The following OXCT1 variants were observed in gnomAD, a reference collection of about 807,000 sequenced individuals.
The protein encoded by OXCT1 is 3-oxoacid CoA-transferase 1.
Under a neutral mutation model 69.6 loss-of-function variants are expected in OXCT1, and 27 were observed. The observed-to-expected ratio is 0.39, with a 90% CI of 0.29 to 0.54. The LOEUF (loss-of-function observed/expected upper bound fraction) is 0.54. Among genes scored for constraint, OXCT1 ranks in the 20% least tolerant of loss-of-function variants. The pLI, the probability that OXCT1 is intolerant of heterozygous loss-of-function variation, is 0.72. For missense variants in OXCT1, 437 were observed against 650.2 expected, an observed-to-expected ratio of 0.67 and a Z score of 3.57; for synonymous variants, 202 against 217.8, an observed-to-expected ratio of 0.93 and a Z score of 0.64.
intron 5 of OXCT1, among the ~76,000 whole-genome samples, chr5:41,845,351 A>T (rs1160473511): frequency 6.6e-6 from 1 of 152,160 alleles, no homozygotes; most frequent in African/African-American, 2.4e-5. Context: ...GGCCAGTGAT[A>T]ATTAATTCTC....
chr5:41,834,695 T>C (rs1311434687), intron 7 of OXCT1, among the ~76,000 whole-genome samples: 1 of 152,082 alleles, frequency 6.6e-6, no homozygotes, highest in Admixed American at 6.6e-5. Flanking sequence ...TTATTAGAGC[T>C]AAAGAGAGAC....
At chr5:41,807,027 C>G (rs1746713502) in intron 8 of OXCT1, among the ~76,000 whole-genome samples, 1 of 152,044 alleles carries the variant, frequency 6.6e-6, no homozygotes, top group Non-Finnish European at 1.5e-5. Context: ...TTATTCTTAT[C>G]TCCCCTCTAA....
chr5:41,834,289 C>A (rs1448575306), intron 7 of OXCT1, among the ~76,000 whole-genome samples: 1 of 151,718 alleles, frequency 6.6e-6, no homozygotes, highest in Non-Finnish European at 1.5e-5. Context: ...CAAAATGGCA[C>A]GAATAAGTCC....
chr5:41,839,087 T>C (rs1044938605), intron 7 of OXCT1, among the ~76,000 whole-genome samples: 1 of 152,184 alleles, frequency 6.6e-6, no homozygotes, highest in Non-Finnish European at 1.5e-5. Context: ...GAAGCCTTTA[T>C]TACATTTGCA....
intron 1 of OXCT1, among the ~76,000 whole-genome samples, chr5:41,866,517 A>G (rs1053754735): frequency 5.9e-5 from 9 of 152,232 alleles, no homozygotes; most frequent in Non-Finnish European, 1.2e-4. Context: ...TTATAAAGAA[A>G]AGGCAGTAAT....
At chr5:41,741,319 GAGGGTAATATCA>G in intron 15 of OXCT1, among the ~76,000 whole-genome samples, 1 of 152,234 alleles carries the variant, frequency 6.6e-6, no homozygotes, top group South Asian at 2.1e-4. Context: ...TCCTAACTAG[GAGGGTAATATCA>G]AGACACAGCA....
At chr5:41,733,244 CTTTT>C (rs35461928) in intron 16 of OXCT1, among the ~76,000 whole-genome samples, 1 of 128,040 alleles carries the variant, frequency 7.8e-6, no homozygotes. Context: ...TTTAGTGAAA[CTTTT>C]TTTTTTTTTT....
intron 3 of OXCT1, among the ~76,000 whole-genome samples, chr5:41,854,587 AT>A (rs1208258089): frequency 3.0e-4 from 45 of 152,222 alleles, no homozygotes; most frequent in Non-Finnish European, 5.9e-4. Flanking sequence ...TAATGGTGAA[AT>A]TTTTTAATGA....
At chr5:41,740,330 G>A (rs1373615852) in intron 15 of OXCT1, among the ~76,000 whole-genome samples, 1 of 152,208 alleles carries the variant, frequency 6.6e-6, no homozygotes, top group African/African-American at 2.4e-5. Flanking sequence ...AGACATGCAA[G>A]TAACTGTTTA....
Position 41,805,473 on chromosome 5 carries a change from G to C in OXCT1, c.955+94C>G, listed in dbSNP as rs16871955. The C allele has an allele frequency of 0.19, 158,860 of 828,582 alleles. 16,787 individuals carry two copies. The highest frequency in any genetic ancestry group is 0.3 in the Middle Eastern group (1,362 of 4,504). 51.3% of individuals were successfully genotyped at this position (828,582 alleles called of 1,614,324 possible). On this transcript the variant is annotated intron_variant, in intron 9 of 16. Transcript: ENST00000196371. ...TTACCTTAAAAGTTACCATAGACTAGAGATGACTCACTATGCAAGAGGTCT... is the reference window on the plus strand; with the variant it reads ...TTACCTTAAAAGTTACCATAGACTACAGATGACTCACTATGCAAGAGGTCT...
chr5:41,864,967 T>A (rs2112481447), intron 1 of OXCT1, among the ~76,000 whole-genome samples: 1 of 152,188 alleles, frequency 6.6e-6, no homozygotes, highest in East Asian at 1.9e-4. Flanking sequence ...ACCCTAACTA[T>A]TTCAATATGC....
intron 13 of OXCT1, among the ~76,000 whole-genome samples, chr5:41,783,770 AC>A (rs777724676): frequency 2.0e-5 from 3 of 152,144 alleles, no homozygotes; most frequent in Non-Finnish European, 2.9e-5. Context: ...TATCTAGCTC[AC>A]CTTTCTTTCA....
At chr5:41,848,733 G>A (rs1017153724) in intron 5 of OXCT1, among the ~76,000 whole-genome samples, 1 of 151,710 alleles carries the variant, frequency 6.6e-6, no homozygotes, top group African/African-American at 2.4e-5. Context: ...CTAGCCATAT[G>A]TACAAAGCTG....
intron 4 of OXCT1, among the ~76,000 whole-genome samples, chr5:41,852,887 G>A (rs561801411): frequency 4.6e-5 from 7 of 152,122 alleles, no homozygotes; most frequent in East Asian, 1.9e-4. Context: ...GTGAAATCCC[G>A]TCTCTACTAA....
At chr5:41,783,502 C>A (rs1349316594) in intron 13 of OXCT1, among the ~76,000 whole-genome samples, 1 of 152,114 alleles carries the variant, frequency 6.6e-6, no homozygotes, top group African/African-American at 2.4e-5. Context: ...TTCTTCTTCT[C>A]CTTTTAAGTG....
chr5:41,745,582 A>C (rs1743438817), intron 15 of OXCT1, among the ~76,000 whole-genome samples: 1 of 152,230 alleles, frequency 6.6e-6, no homozygotes. Flanking sequence ...AGACACAAAA[A>C]ACCCTTCAAA....
intron 7 of OXCT1, among the ~76,000 whole-genome samples, chr5:41,839,266 T>C (rs182887500): frequency 4.6e-5 from 7 of 152,202 alleles, no homozygotes; most frequent in Non-Finnish European, 8.8e-5. Flanking sequence ...TCACCCAGGA[T>C]AATGCATAAC....
intron 13 of OXCT1, among the ~76,000 whole-genome samples, chr5:41,774,367 A>G (rs1240434657): frequency 6.6e-6 from 1 of 152,240 alleles, no homozygotes; most frequent in African/African-American, 2.4e-5. Flanking sequence ...AGTAGCAACA[A>G]GCACACCTAG....
intron 7 of OXCT1, among the ~76,000 whole-genome samples, chr5:41,838,111 C>A (rs951299498): frequency 2.6e-5 from 4 of 152,246 alleles, no homozygotes; most frequent in Non-Finnish European, 5.9e-5. Context: ...CACTATGACT[C>A]CCATAAAAGA....
Sources: allele counts gnomAD v4.1 joint callset (sites outside exome capture counted in the v4.1 genomes callset), GRCh38; gene constraint gnomAD v4.1.1; transcripts MANE v1.5; gene names NCBI Gene and HGNC (gene_info 2026-07-23, HGNC 2026-07-21).